The following CCDC169 variants were observed in gnomAD, a reference collection of about 807,000 sequenced individuals.
CCDC169 encodes the protein coiled-coil domain-containing protein 169.
In CCDC169, 30 loss-of-function variants were observed where a neutral mutation model predicts 36.0. That is an observed-to-expected ratio of 0.83 (90% CI 0.62 to 1.13). The LOEUF (loss-of-function observed/expected upper bound fraction) is 1.13. Ranked by LOEUF, CCDC169 falls within the 50% of genes most tolerant of loss-of-function variation. The pLI is 0.00. For missense variants in CCDC169, 245 were observed against 245.9 expected, an observed-to-expected ratio of 1.00 and a Z score of 0.03; for synonymous variants, 85 against 81.5, an observed-to-expected ratio of 1.04 and a Z score of -0.23.
At chr13:36,276,783 C>A (rs2138583557) in intron 4 of CCDC169, among the ~76,000 whole-genome samples, 1 of 149,786 alleles carries the variant, frequency 6.7e-6, no homozygotes, top group East Asian at 2.1e-4. Context: ...TTGATAAGAG[C>A]CATTACAGTA....
intron 6 of CCDC169, among the ~76,000 whole-genome samples, chr13:36,253,070 T>C (rs552607512): frequency 2.0e-5 from 3 of 152,246 alleles, no homozygotes; most frequent in East Asian, 1.9e-4. Context: ...GGCAAATGGA[T>C]AGCTTGAAAA....
chr13:36,249,478 T>C (rs994280049), intron 6 of CCDC169, among the ~76,000 whole-genome samples: 10 of 152,000 alleles, frequency 6.6e-5, no homozygotes, highest in African/African-American at 2.2e-4. Flanking sequence ...TATTAAGAGA[T>C]AAACTAGGCG....
At chr13:36,236,288 G>T (rs1253560495) in intron 7 of CCDC169, among the ~76,000 whole-genome samples, 1 of 152,048 alleles carries the variant, frequency 6.6e-6, no homozygotes, top group Non-Finnish European at 1.5e-5. Context: ...TATGGTATTG[G>T]CATAAGGATA....
downstream of CCDC169, chr13:36,227,442 A>G (rs9546786): frequency 0.46 from 639,858 of 1,394,502 alleles, 150,517 homozygotes; most frequent in Non-Finnish European, 0.48. Context: ...ATATGCTAAT[A>G]AAGCAGATAT....
At chr13:36,238,256 C>T (rs746460167) in intron 7 of CCDC169, among the ~76,000 whole-genome samples, 1 of 152,064 alleles carries the variant, frequency 6.6e-6, no homozygotes, top group Non-Finnish European at 1.5e-5. Context: ...GAGTTGTACA[C>T]TTTATTATTT....
At chr13:36,230,264 A>C (rs1281973386), downstream of CCDC169, among the ~76,000 whole-genome samples, 2 of 152,238 alleles carry the variant, frequency 1.3e-5, no homozygotes, top group African/African-American at 4.8e-5. Context: ...AAGTCCAATG[A>C]TTTCACTTAT....
chr13:36,223,626 C>G (rs537432562), downstream of CCDC169: 1 of 152,054 alleles, frequency 6.6e-6, no homozygotes, highest in South Asian at 2.1e-4. Flanking sequence ...ATTTCAATAC[C>G]AGTTTTCAAT....
intron 4 of CCDC169, among the ~76,000 whole-genome samples, chr13:36,257,924 T>A (rs2138500582): frequency 6.6e-6 from 1 of 152,174 alleles, no homozygotes; most frequent in East Asian, 1.9e-4. Flanking sequence ...GTGGGTAAAG[T>A]CCCTCTAGCT....
chr13:36,231,418 C>CACAGGAAGG, intron 7 of CCDC169, 126 bp from the exon 8 acceptor site: 1 of 861,200 alleles, frequency 1.2e-6, no homozygotes, highest in Non-Finnish European at 1.8e-6. Context: ...ACACGGAAAC[C>CACAGGAAGG]TTCCTGTGAA....
intron 5 of CCDC169, 88 bp from the exon 6 acceptor site, chr13:36,253,944 T>C (rs973706664): frequency 2.9e-6 from 3 of 1,046,974 alleles, no homozygotes; most frequent in South Asian, 1.6e-5. Flanking sequence ...GTCTCTATAG[T>C]GTAGGAAATA....
chr13:36,272,863 G>A (rs912405998), intron 4 of CCDC169, among the ~76,000 whole-genome samples: 11 of 152,186 alleles, frequency 7.2e-5, no homozygotes, highest in South Asian at 4.1e-4. Context: ...TCCCAGCTGC[G>A]TGGGATGGCA....
intron 1 of CCDC169, among the ~76,000 whole-genome samples, chr13:36,296,160 C>T (rs1289440577): frequency 1.3e-5 from 2 of 152,128 alleles, no homozygotes; most frequent in Non-Finnish European, 2.9e-5. Context: ...GGTGCAAACT[C>T]GGCTCACTGC....
chr13:36,256,200 T>C (rs1364667806), intron 4 of CCDC169, among the ~76,000 whole-genome samples: 2 of 152,198 alleles, frequency 1.3e-5, no homozygotes, highest in East Asian at 3.9e-4. Flanking sequence ...TTTGCATCAG[T>C]CACTTAGGGA....
intron 7 of CCDC169, among the ~76,000 whole-genome samples, chr13:36,245,148 A>G (rs1039889945): frequency 2.0e-5 from 3 of 152,138 alleles, no homozygotes; most frequent in African/African-American, 7.2e-5. Context: ...TTAATTTTTT[A>G]TAGGGTTAAG....
chr13:36,254,597 T>C (rs968211024), intron 4 of CCDC169, among the ~76,000 whole-genome samples: 6 of 152,110 alleles, frequency 3.9e-5, no homozygotes, highest in East Asian at 1.9e-4. Context: ...TTTTAAGTAA[T>C]AGTAATAATC....
At chr13:36,236,333 A>C (rs540699500) in intron 7 of CCDC169, among the ~76,000 whole-genome samples, 1 of 152,224 alleles carries the variant, frequency 6.6e-6, no homozygotes, top group South Asian at 2.1e-4. Context: ...CTGGGAGTCT[A>C]AGAGTAAACC....
At position 36,292,195 on chromosome 13, in the gene CCDC169, T is replaced by G. The variant is rs1380118850; in HGVS notation, c.163+3583A>C. Reference sequence around the variant, plus strand: ...TTTTAGTACAGACACAGTTTCACCATGTTGGCCAGGCTGGTCTCGAACTTC... The same window carrying G: ...TTTTAGTACAGACACAGTTTCACCAGGTTGGCCAGGCTGGTCTCGAACTTC... On this transcript the variant is annotated intron_variant, in intron 2 of 7. Transcript: ENST00000239859. 3.3e-5 allele frequency among the ~76,000 whole-genome samples: 5 copies of G among 152,142 alleles called. 1 individual carries two copies. The highest frequency in any genetic ancestry group is 7.4e-5 in the Non-Finnish European group (5 of 68,020).
In CCDC169 at chr13:36,277,746, T is replaced by C. The variant is rs112087900; in HGVS notation, c.315+5723A>G. ...CAGGCGGATCACCTGAGGTCAGGAG[T>C]TCAGCCTGGCCAACATGGCAAAACC... On this transcript the variant is annotated intron_variant, in intron 4 of 7. Transcript: ENST00000239859. Among the ~76,000 whole-genome samples the C allele has an allele frequency of 4.0e-3, 607 of 151,518 alleles. 4 individuals are homozygous for C. The highest frequency in any genetic ancestry group is 0.013 in the African/African-American group (536 of 41,352).
downstream of CCDC169, chr13:36,225,796 A>G (rs1157018662): frequency 6.5e-6 from 1 of 152,976 alleles, no homozygotes; most frequent in Non-Finnish European, 1.5e-5. Context: ...ACAGACACTT[A>G]TCAAAAGAAG....
Sources: allele counts gnomAD v4.1 joint callset (sites outside exome capture counted in the v4.1 genomes callset), GRCh38; gene constraint gnomAD v4.1.1; transcripts MANE v1.5; gene names NCBI Gene and HGNC (gene_info 2026-07-23, HGNC 2026-07-21).